ADGRL3: variants seen among roughly 807,000 people sequenced by gnomAD.
ADGRL3 encodes the protein calcium-independent alpha-latrotoxin receptor 3.
In ADGRL3, 62 loss-of-function variants were observed where a neutral mutation model predicts 153.5. The ratio of observed to expected loss-of-function variants is 0.40; its 90% confidence interval spans 0.33 to 0.50. The LOEUF is 0.50. Among genes scored for constraint, ADGRL3 ranks in the 20% least tolerant of loss-of-function variants. The pLI is 0.47. For missense variants in ADGRL3, 1,641 were observed against 1,859.4 expected (o/e 0.88, Z 2.16); for synonymous variants, 710 against 672.5 (o/e 1.06, Z -0.86).
At chr4:62,028,725 G>T in intron 21 of ADGRL3, 130 bp from the exon 22 acceptor site, 1 of 612,520 alleles carries the variant, frequency 1.6e-6, no homozygotes, top group Admixed American at 3.2e-5. Context: ...AGATATAAAG[G>T]ATAATGATTT....
chr4:61,477,465 T>C (rs2098079163), intron 2 of ADGRL3, among the ~76,000 whole-genome samples: 1 of 152,152 alleles, frequency 6.6e-6, no homozygotes, highest in Admixed American at 6.5e-5. Flanking sequence ...CATGAATAAA[T>C]TATCTGCACC....
chr4:61,828,693 C>G (rs1220285250), intron 9 of ADGRL3, among the ~76,000 whole-genome samples: 1 of 152,112 alleles, frequency 6.6e-6, no homozygotes, highest in African/African-American at 2.4e-5. Context: ...TCATTTTGTA[C>G]TTTATTGAAA....
At chr4:61,523,784 A>G (rs2098544419) in intron 4 of ADGRL3, among the ~76,000 whole-genome samples, 1 of 152,102 alleles carries the variant, frequency 6.6e-6, no homozygotes. Flanking sequence ...GAATAGTATA[A>G]GCTCAGTCTT....
intron 1 of ADGRL3, among the ~76,000 whole-genome samples, chr4:61,343,004 A>G (rs1364929410): frequency 6.6e-6 from 1 of 152,220 alleles, no homozygotes; most frequent in Non-Finnish European, 1.5e-5. Context: ...AGACAAAGAG[A>G]GAAAAATGAG....
chr4:61,649,922 A>AT (rs957893597), intron 5 of ADGRL3, among the ~76,000 whole-genome samples: 7 of 152,220 alleles, frequency 4.6e-5, no homozygotes, highest in East Asian at 3.9e-4. Flanking sequence ...GGGAATTGTG[A>AT]TTTTTTGTTC....
chr4:61,480,593 G>A (rs2098121550), intron 2 of ADGRL3, among the ~76,000 whole-genome samples: 2 of 15,100 alleles, frequency 1.3e-4, no homozygotes, highest in African/African-American at 7.1e-5. Context: ...CGACCAGCCT[G>A]GACAATATGT....
chr4:62,068,872 T>C (rs2151921232), intron 26 of ADGRL3, among the ~76,000 whole-genome samples: 1 of 152,282 alleles, frequency 6.6e-6, no homozygotes. Context: ...AATTGGCATA[T>C]TTGAATCACG....
chr4:61,661,886 T>G (rs2094605356), intron 5 of ADGRL3, among the ~76,000 whole-genome samples: 1 of 152,196 alleles, frequency 6.6e-6, no homozygotes, highest in East Asian at 1.9e-4. Flanking sequence ...AAGTATGTAT[T>G]TATCTGTTCT....
chr4:61,713,332 C>T (rs1359896261), intron 6 of ADGRL3, among the ~76,000 whole-genome samples: 2 of 151,830 alleles, frequency 1.3e-5, no homozygotes, highest in African/African-American at 4.8e-5. Flanking sequence ...TTCTTATTAA[C>T]TCATCATTAA....
intron 1 of ADGRL3, among the ~76,000 whole-genome samples, chr4:61,365,785 C>A (rs1179999219): frequency 3.3e-5 from 5 of 152,104 alleles, no homozygotes; most frequent in Admixed American, 2.6e-4. Flanking sequence ...TTCTTATTAT[C>A]TCTCTCTCAC....
chr4:62,051,193 T>TATATAC, intron 25 of ADGRL3, among the ~76,000 whole-genome samples: 1 of 145,650 alleles, frequency 6.9e-6, no homozygotes, highest in African/African-American at 2.6e-5. Flanking sequence ...TATATATACA[T>TATATAC]ACATACACAA....
At chr4:61,947,305 T>C (rs1049422125) in intron 16 of ADGRL3, among the ~76,000 whole-genome samples, 183 bp downstream of exon 16, 4 of 152,196 alleles carry the variant, frequency 2.6e-5, no homozygotes, top group African/African-American at 7.2e-5. Context: ...ATAATCCTTA[T>C]ATATGTAAAT....
In ADGRL3 at chr4:61,979,721, C is replaced by G; in HGVS notation, c.2964C>G (p.Leu988=). The G allele has an allele frequency of 6.2e-7, 1 of 1,614,006 alleles. No individual in the cohort carries two copies. The highest frequency in any genetic ancestry group is 8.5e-7 in the Non-Finnish European group (1 of 1,179,918). The change falls in exon 18 of 27, where the codon CTC becomes CTG. Residue 988 remains leucine (L), a synonymous_variant. Coordinates refer to ENST00000683033, the MANE Select transcript of ADGRL3 (RefSeq NM_001387552.1). The part of the protein sequence containing the change: ...NTIHKNLCIS[L]FVAELLFLIG... ...TCCACAAGAACCTCTGCATCAGTCT[C>G]TTTGTAGCAGAGCTGCTCTTCCTGA... is the stretch of plus-strand genomic sequence containing the variant.
At chr4:62,053,573 T>C (rs1735421256) in intron 25 of ADGRL3, among the ~76,000 whole-genome samples, 1 of 151,510 alleles carries the variant, frequency 6.6e-6, no homozygotes, top group South Asian at 2.1e-4. Context: ...TGAGAGGATA[T>C]ATAGATAGAA....
At chr4:61,547,305 G>A (rs553641366) in intron 4 of ADGRL3, among the ~76,000 whole-genome samples, 1 of 151,220 alleles carries the variant, frequency 6.6e-6, no homozygotes, top group South Asian at 2.1e-4. Flanking sequence ...GGATACATGT[G>A]CAGGTTTGTC....
At chr4:61,599,816 C>G (rs1257249221) in intron 5 of ADGRL3, among the ~76,000 whole-genome samples, 1 of 152,122 alleles carries the variant, frequency 6.6e-6, no homozygotes, top group African/African-American at 2.4e-5. Flanking sequence ...GCTTCTGCAG[C>G]CACTTCTGAG....
intron 9 of ADGRL3, among the ~76,000 whole-genome samples, chr4:61,853,896 A>G (rs2098235810): frequency 6.6e-6 from 1 of 152,238 alleles, no homozygotes; most frequent in African/African-American, 2.4e-5. Context: ...GTTTTTATTT[A>G]TAGCCTCTTC....
At chr4:61,261,734 C>T (rs550800908) in intron 1 of ADGRL3, among the ~76,000 whole-genome samples, 1 of 152,256 alleles carries the variant, frequency 6.6e-6, no homozygotes, top group South Asian at 2.1e-4. Flanking sequence ...TATAGTGTTA[C>T]AATGTCGTCT....
intron 5 of ADGRL3, among the ~76,000 whole-genome samples, chr4:61,606,872 G>A (rs903320402): frequency 6.6e-6 from 1 of 152,064 alleles, no homozygotes; most frequent in Non-Finnish European, 1.5e-5. Flanking sequence ...AGATATGAGA[G>A]GATTGATTTA....
Sources: allele counts gnomAD v4.1 joint callset (sites outside exome capture counted in the v4.1 genomes callset), GRCh38; gene constraint gnomAD v4.1.1; transcripts MANE v1.5; gene names NCBI Gene and HGNC (gene_info 2026-07-23, HGNC 2026-07-21).